SENP1: variants seen among roughly 807,000 people sequenced by gnomAD.
SENP1 encodes the protein sentrin-specific protease 1.
SENP1 carries 21 observed loss-of-function variants against 93.0 expected under a neutral mutation model. That is an observed-to-expected ratio of 0.23 (90% CI 0.16 to 0.33). SENP1 has a LOEUF of 0.33. Among genes scored for constraint, SENP1 ranks in the 10% least tolerant of loss-of-function variants. The pLI is 1.00. For missense variants in SENP1, 591 were observed against 758.7 expected (o/e 0.78, Z 2.60); for synonymous variants, 256 against 259.6 (o/e 0.99, Z 0.13).
intron 13 of SENP1, among the ~76,000 whole-genome samples, chr12:48,054,109 GT>G (rs1436937797): frequency 1.3e-5 from 2 of 152,194 alleles, no homozygotes; most frequent in Non-Finnish European, 2.9e-5. Context: ...TAGAGGAAGT[GT>G]TCCTGGTGTA....
chr12:48,063,581 G>A (rs1343544894), intron 13 of SENP1, 129 bp downstream of exon 13: 1 of 763,162 alleles, frequency 1.3e-6, no homozygotes, highest in Non-Finnish European at 2.0e-6. Context: ...CAAGAATGAA[G>A]AGGCCTATGA....
At chr12:48,093,290 T>TC (rs1945330042) in intron 4 of SENP1, among the ~76,000 whole-genome samples, 1 of 150,844 alleles carries the variant, frequency 6.6e-6, no homozygotes, top group East Asian at 1.9e-4. Context: ...GTTTTTTTTT[T>TC]TTTTTTTTTT....
intron 1 of SENP1, chr12:48,105,123 C>T (rs1349804309): frequency 4.6e-6 from 1 of 219,686 alleles, no homozygotes; most frequent in African/African-American, 2.3e-5. Context: ...TAACAAAGAC[C>T]CTCAGTCAAA....
chr12:48,068,708 T>C (rs563943290), intron 9 of SENP1, among the ~76,000 whole-genome samples: 10 of 152,240 alleles, frequency 6.6e-5, no homozygotes, highest in Admixed American at 5.2e-4. Context: ...GCACCCATCA[T>C]ATGCCAAGCA....
intron 5 of SENP1, chr12:48,085,298 C>T: frequency 6.6e-7 from 1 of 1,509,264 alleles, no homozygotes; most frequent in South Asian, 1.1e-5. Context: ...ATGCCCTGGA[C>T]ACCCACCAGC....
Position 48,044,525 on chromosome 12 carries a change from A to T in SENP1, c.*797T>A, listed in dbSNP as rs1346645049. On this transcript the variant is annotated 3_prime_UTR_variant, in exon 18 of 18. Coordinates refer to ENST00000549518, the MANE Select transcript of SENP1 (RefSeq NM_001267594.2). Reference sequence around the variant, plus strand: ...GTCCTTTTTCTTCTTGGTCAGAAGTAGGCAACAGTAAAAGTGGTGCTTTGT... The same window carrying T: ...GTCCTTTTTCTTCTTGGTCAGAAGTTGGCAACAGTAAAAGTGGTGCTTTGT... The T allele has an allele frequency of 6.6e-6, 1 of 151,982 alleles. No individual in the cohort carries two copies. Among genetic ancestry groups the T allele is most frequent in the Non-Finnish European group, 1.5e-5 (1 of 68,004 alleles). 9.4% of individuals were successfully genotyped at this position (151,982 alleles called of 1,614,324 possible).
rs1945622381 is a variant in SENP1, at chr12:48,097,084, A to C, written c.136-657T>G. Among the ~76,000 whole-genome samples, 3 of 152,230 alleles carry C rather than the reference A, an allele frequency of 2.0e-5. No homozygotes were observed. In the South Asian group the frequency reaches 6.2e-4, roughly 32 times the overall value. ...AATAATTCAGGCTTCAAGGAAAAAA[A>C]CAGGCAAAATATTTGTTATACAATT... On this transcript the variant is annotated intron_variant, in intron 3 of 17. Coordinates refer to ENST00000549518, the MANE Select transcript of SENP1 (RefSeq NM_001267594.2).
rs548676725 is a variant in SENP1 at position 48,088,504 on chromosome 12, T to C, written c.380+297A>G. ...TCCTGCTCAAATTGTGGAGATTGAC[T>C]GATTTTCACTTTAAGATTTGCAAGA... On this transcript the variant is annotated intron_variant, in intron 5 of 17. Coordinates refer to ENST00000549518, the MANE Select transcript of SENP1 (RefSeq NM_001267594.2). 8 of 344,576 alleles carry C rather than the reference T, an allele frequency of 2.3e-5. No individual in the cohort carries two copies. In the South Asian group the frequency reaches 3.0e-4, roughly 13 times the overall value. The allele number at this position is 344,576 out of a possible 1,614,324, so 21.3% of individuals were successfully genotyped here. A position where few individuals can be genotyped will look rare whatever the true frequency, so the allele number is the denominator to read the frequency against.
intron 13 of SENP1, among the ~76,000 whole-genome samples, chr12:48,052,938 T>G (rs1456695927): frequency 6.9e-6 from 1 of 145,152 alleles, no homozygotes; most frequent in East Asian, 1.9e-4. Context: ...GGATTCATCA[T>G]AGTCACTTAA....
intron 1 of SENP1, among the ~76,000 whole-genome samples, chr12:48,104,234 TAGAG>T (rs58228829): frequency 0.053 from 3,472 of 66,084 alleles, 165 homozygotes; most frequent in African/African-American, 0.086. Flanking sequence ...AAAATATATA[TAGAG>T]AGAGAGAGAG....
intron 3 of SENP1, among the ~76,000 whole-genome samples, chr12:48,097,480 T>C (rs1945643650): frequency 6.6e-6 from 1 of 152,220 alleles, no homozygotes; most frequent in Non-Finnish European, 1.5e-5. Flanking sequence ...CTCCCCACAC[T>C]TTCATGTGCA....
rs138028571 is a variant in SENP1, at chr12:48,060,419, G to T, written c.1407+3291C>A. 8.7e-4 allele frequency among the ~76,000 whole-genome samples: 132 copies of T among 152,278 alleles called. 1 individual carries two copies. Among genetic ancestry groups the T allele is most frequent in the African/African-American group, 3.1e-3 (128 of 41,552 alleles). On this transcript the variant is annotated intron_variant, in intron 13 of 17. Transcript: ENST00000549518. ...AGCAGTACTCAGGATAATACACCTA[G>T]AATCTTAAAGTTGGAAGGGATTCCA...
chr12:48,073,609 A>C (rs533438238), intron 8 of SENP1, among the ~76,000 whole-genome samples: 71 of 152,338 alleles, frequency 4.7e-4, no homozygotes, highest in African/African-American at 1.7e-3. Flanking sequence ...CTATCACGAC[A>C]AAACCTTAAT....
chr12:48,097,352 T>C (rs1945636899), intron 3 of SENP1, among the ~76,000 whole-genome samples: 1 of 152,180 alleles, frequency 6.6e-6, no homozygotes, highest in African/African-American at 2.4e-5. Flanking sequence ...AGGAATTTAG[T>C]GCCTAGGGCT....
At chr12:48,071,074 A>G (rs1241271814) in intron 9 of SENP1, among the ~76,000 whole-genome samples, 2 of 152,168 alleles carry the variant, frequency 1.3e-5, no homozygotes. Context: ...ACAGAGCAAG[A>G]CCCTGTCTCA....
chr12:48,105,781 G>GGA (rs369237878), intron 1 of SENP1: 11,797 of 578,080 alleles, frequency 0.02, 170 homozygotes, highest in South Asian at 0.036. Flanking sequence ...CCGCGGCCCA[G>GGA]GAGAGAGAGA....
intron 13 of SENP1, among the ~76,000 whole-genome samples, chr12:48,060,549 C>T (rs778624590): frequency 6.6e-6 from 1 of 152,226 alleles, no homozygotes; most frequent in Non-Finnish European, 1.5e-5. Flanking sequence ...TCTACTTCTA[C>T]TTTTGCAACT....
chr12:48,084,447 GTT>G lies in SENP1; in HGVS notation c.381-687_381-686del, dbSNP rs5798059. 1.1e-3 allele frequency among the ~76,000 whole-genome samples: 125 copies of G among 109,438 alleles called. No homozygotes were observed. In the Middle Eastern group the frequency reaches 0.024, roughly 21 times the overall value. The allele number at this position is 109,438 out of a possible 152,430, so 71.8% of individuals were successfully genotyped here. Reference sequence around the variant, plus strand: ...TATATCTAAGGCTTACTAATTTTGAGTTTTTTTTTTTTTTTTTTTTGAGATGG... The same window carrying G: ...TATATCTAAGGCTTACTAATTTTGAGTTTTTTTTTTTTTTTTTTGAGATGG... On this transcript the variant is annotated intron_variant, in intron 5 of 17. Transcript: ENST00000549518.
intron 6 of SENP1, among the ~76,000 whole-genome samples, chr12:48,078,317 T>TATATA (rs1944242485): frequency 8.5e-5 from 6 of 70,742 alleles, no homozygotes; most frequent in African/African-American, 3.0e-4. Context: ...CTGTAGGATT[T>TATATA]TATATATATA....
Sources: gnomAD v4.1 joint callset for allele counts (sites outside exome capture counted in the v4.1 genomes callset) on GRCh38, gnomAD v4.1.1 for gene constraint, MANE v1.5 for transcripts, NCBI Gene and HGNC (gene_info 2026-07-23, HGNC 2026-07-21) for gene names.